Variants in BTRC observed in about 807,000 individuals in gnomAD.
The protein encoded by BTRC is beta-transducin repeat containing E3 ubiquitin protein ligase, also known as F-box/WD repeat-containing protein 1A.
A neutral mutation model predicts 85.5 loss-of-function variants in BTRC; 42 were observed. The observed-to-expected ratio is 0.49, with a 90% CI of 0.38 to 0.64. The LOEUF (loss-of-function observed/expected upper bound fraction) is 0.64. Among genes scored for constraint, BTRC ranks in the 30% least tolerant of loss-of-function variants. BTRC has a pLI of 0.00. For synonymous variants in BTRC, 255 were observed against 263.3 expected (o/e 0.97, Z 0.30); for missense variants, 594 against 743.5 (o/e 0.80, Z 2.34).
chr10:101,433,467 G>A (rs1030686276), intron 2 of BTRC, among the ~76,000 whole-genome samples: 20 of 152,124 alleles, frequency 1.3e-4, no homozygotes, highest in Admixed American at 9.8e-4. Flanking sequence ...GAATTAACTC[G>A]ATAACAGGGA....
At chr10:101,393,341 A>G (rs188906748) in intron 1 of BTRC, among the ~76,000 whole-genome samples, 3 of 152,196 alleles carry the variant, frequency 2.0e-5, no homozygotes, top group African/African-American at 7.2e-5. Flanking sequence ...AATTAATTGA[A>G]CCCACAGAGG....
At chr10:101,393,369 A>G (rs1476874811) in intron 1 of BTRC, among the ~76,000 whole-genome samples, 1 of 152,184 alleles carries the variant, frequency 6.6e-6, no homozygotes, top group Admixed American at 6.5e-5. Context: ...GGTAACCCCA[A>G]CTTGAAGCCA....
intron 1 of BTRC, among the ~76,000 whole-genome samples, chr10:101,420,196 A>G (rs953864276): frequency 6.6e-6 from 1 of 151,514 alleles, no homozygotes; most frequent in African/African-American, 2.4e-5. Flanking sequence ...CTTTCTTTCT[A>G]TACTTGTAAC....
intron 2 of BTRC, among the ~76,000 whole-genome samples, chr10:101,441,455 G>A (rs986277332): frequency 1.3e-5 from 2 of 152,158 alleles, no homozygotes; most frequent in African/African-American, 2.4e-5. Context: ...AGTCACATAC[G>A]TCTCATAATG....
chr10:101,384,968 A>T (rs920708147), intron 1 of BTRC, among the ~76,000 whole-genome samples: 1 of 152,118 alleles, frequency 6.6e-6, no homozygotes, highest in Admixed American at 6.5e-5. Context: ...GTCACCTGTA[A>T]TCCCAGCACT....
intron 4 of BTRC, among the ~76,000 whole-genome samples, chr10:101,486,408 A>C (rs1030931352): frequency 5.3e-5 from 8 of 151,342 alleles, no homozygotes; most frequent in African/African-American, 1.7e-4. Flanking sequence ...TTAGTGCAGG[A>C]ATTTTAAGGA....
chr10:101,554,406 GT>G lies in BTRC; in HGVS notation c.*1288del, dbSNP rs2062699707. On this transcript the variant is annotated 3_prime_UTR_variant, in exon 15 of 15. Transcript: ENST00000370187. ...AGAGAGATGGTCAGGAGAAAACACT[GT>G]TTTTGTTTTTTTTGTTGTTTTGTTT... is the stretch of plus-strand genomic sequence containing the variant. 6.6e-6 allele frequency: 1 copy of G among 152,418 alleles called. No individual in the cohort carries two copies. The highest frequency in any genetic ancestry group is 6.5e-5 in the Admixed American group (1 of 15,274). 9.4% of individuals were successfully genotyped at this position (152,418 alleles called of 1,614,324 possible). A position where few individuals can be genotyped will look rare whatever the true frequency, so the allele number is the denominator to read the frequency against.
intron 1 of BTRC, among the ~76,000 whole-genome samples, chr10:101,401,104 C>A (rs1428308527): frequency 6.6e-6 from 1 of 152,000 alleles, no homozygotes; most frequent in Non-Finnish European, 1.5e-5. Flanking sequence ...TTGGACAGTC[C>A]CTTCGAACTT....
chr10:101,532,479 A>G, intron 8 of BTRC, 47 bp downstream of exon 8: 1 of 1,548,110 alleles, frequency 6.5e-7, no homozygotes, highest in Non-Finnish European at 8.7e-7. Flanking sequence ...AGCAAGAGTG[A>G]CCACATTCAT....
intron 2 of BTRC, among the ~76,000 whole-genome samples, chr10:101,453,320 C>CA (rs1944996269): frequency 6.6e-6 from 1 of 152,102 alleles, no homozygotes; most frequent in Admixed American, 6.6e-5. Context: ...AAAATGTGTT[C>CA]AAAATCAGTT....
chr10:101,439,354 C>T (rs1428238300), intron 2 of BTRC, among the ~76,000 whole-genome samples: 1 of 152,150 alleles, frequency 6.6e-6, no homozygotes, highest in Non-Finnish European at 1.5e-5. Context: ...TAAACAAGGT[C>T]GTGTTTCTGG....
intron 1 of BTRC, among the ~76,000 whole-genome samples, chr10:101,384,242 G>A (rs1943010040): frequency 6.6e-6 from 1 of 152,160 alleles, no homozygotes; most frequent in Non-Finnish European, 1.5e-5. Flanking sequence ...TACAGAAGTT[G>A]GCCATCAGCC....
At chr10:101,446,241 G>A (rs996000782) in intron 2 of BTRC, among the ~76,000 whole-genome samples, 4 of 151,908 alleles carry the variant, frequency 2.6e-5, no homozygotes, top group African/African-American at 9.7e-5. Flanking sequence ...TGTGGAAACG[G>A]AAAAATCCTA....
At chr10:101,494,042 C>G (rs1288611795) in intron 4 of BTRC, among the ~76,000 whole-genome samples, 3 of 152,198 alleles carry the variant, frequency 2.0e-5, no homozygotes, top group African/African-American at 7.2e-5. Flanking sequence ...GAAAGAGGAG[C>G]TGTAGTGAAA....
At chr10:101,436,591 G>T (rs1436274324) in intron 2 of BTRC, among the ~76,000 whole-genome samples, 1 of 151,168 alleles carries the variant, frequency 6.6e-6, no homozygotes, top group Non-Finnish European at 1.5e-5. Flanking sequence ...TTCTAGCCTG[G>T]GTGACAGAGT....
chr10:101,386,241 A>G (rs1271657240), intron 1 of BTRC, among the ~76,000 whole-genome samples: 2 of 152,234 alleles, frequency 1.3e-5, no homozygotes, highest in African/African-American at 4.8e-5. Context: ...AAGATGTGGT[A>G]TAACCAAGCA....
chr10:101,370,144 G>T (rs1337686418), intron 1 of BTRC, among the ~76,000 whole-genome samples: 1 of 152,134 alleles, frequency 6.6e-6, no homozygotes, highest in Non-Finnish European at 1.5e-5. Flanking sequence ...TTGAGACAAG[G>T]TCTCACTCTT....
chr10:101,449,894 G>A (rs1331295903), intron 2 of BTRC, among the ~76,000 whole-genome samples: 1 of 150,920 alleles, frequency 6.6e-6, no homozygotes, highest in Non-Finnish European at 1.5e-5. Context: ...GGTATAAGAT[G>A]CCTGCTTTGC....
intron 14 of BTRC, among the ~76,000 whole-genome samples, chr10:101,551,694 A>G (rs2062652353): frequency 1.3e-5 from 2 of 152,220 alleles, no homozygotes; most frequent in Admixed American, 6.5e-5. Flanking sequence ...ACGTTTCTGC[A>G]TCTCTCTTTG....
Sources: gnomAD v4.1 joint callset for allele counts (sites outside exome capture counted in the v4.1 genomes callset) on GRCh38, gnomAD v4.1.1 for gene constraint, MANE v1.5 for transcripts, NCBI Gene and HGNC (gene_info 2026-07-23, HGNC 2026-07-21) for gene names.